The following MYO1E variants were observed in gnomAD, a reference collection of about 807,000 sequenced individuals.
The protein encoded by MYO1E is myosin IE, also known as unconventional myosin-Ie.
In MYO1E, 68 loss-of-function variants were observed where a neutral mutation model predicts 151.1. That is an observed-to-expected ratio of 0.45 (90% CI 0.37 to 0.55). The LOEUF (loss-of-function observed/expected upper bound fraction) is 0.55. Among genes scored for constraint, MYO1E ranks in the 20% least tolerant of loss-of-function variants. The probability of loss-of-function intolerance (pLI) is 0.00; values close to 1 mark genes in which losing one functional copy is unlikely to be tolerated. For missense variants in MYO1E, 1,363 were observed against 1,389.3 expected, an observed-to-expected ratio of 0.98 and a Z score of 0.30; for synonymous variants, 601 against 501.7, an observed-to-expected ratio of 1.20 and a Z score of -2.64.
intron 26 of MYO1E, among the ~76,000 whole-genome samples, chr15:59,144,901 T>G (rs2079432410): frequency 6.6e-6 from 1 of 152,158 alleles, no homozygotes; most frequent in South Asian, 2.1e-4. Context: ...TGGAGTGCAA[T>G]GGTACGATCT....
At chr15:59,214,522 T>G in intron 11 of MYO1E, 118 bp downstream of exon 11, 1 of 1,111,798 alleles carries the variant, frequency 9.0e-7, no homozygotes. Flanking sequence ...GAGTTGTTTT[T>G]TTTGTTGTTG....
intron 1 of MYO1E, among the ~76,000 whole-genome samples, chr15:59,337,693 G>A (rs945567822): frequency 5.3e-5 from 8 of 152,132 alleles, no homozygotes; most frequent in Non-Finnish European, 1.0e-4. Context: ...TTAGCCGGGC[G>A]TGGTGGTTTG....
chr15:59,334,311 A>C (rs1244901025), intron 1 of MYO1E, among the ~76,000 whole-genome samples: 1 of 152,182 alleles, frequency 6.6e-6, no homozygotes, highest in South Asian at 2.1e-4. Context: ...AAAAATAACT[A>C]AAAGTATAAT....
intron 1 of MYO1E, among the ~76,000 whole-genome samples, chr15:59,365,273 C>G (rs1427331061): frequency 1.3e-5 from 2 of 152,136 alleles, no homozygotes; most frequent in African/African-American, 2.4e-5. Context: ...TCCACCTCAG[C>G]CTTCCAAAGT....
intron 1 of MYO1E, among the ~76,000 whole-genome samples, chr15:59,343,839 G>C (rs746430286): frequency 6.6e-6 from 1 of 152,042 alleles, no homozygotes; most frequent in Non-Finnish European, 1.5e-5. Context: ...TCAGCAGCTC[G>C]AGAATTTCTG....
chr15:59,305,078 T>C (rs1032234459), intron 1 of MYO1E, among the ~76,000 whole-genome samples: 1 of 152,236 alleles, frequency 6.6e-6, no homozygotes, highest in Non-Finnish European at 1.5e-5. Flanking sequence ...GTGTATAGCG[T>C]CCACTGTCAC....
At chr15:59,150,632 G>A (rs1177536253) in intron 26 of MYO1E, among the ~76,000 whole-genome samples, 1 of 152,154 alleles carries the variant, frequency 6.6e-6, no homozygotes, top group Non-Finnish European at 1.5e-5. Context: ...CCACCTGAAA[G>A]GTGTAGGTCT....
chr15:59,200,346 T>C (rs1309632287), intron 16 of MYO1E, among the ~76,000 whole-genome samples: 1 of 152,166 alleles, frequency 6.6e-6, no homozygotes. Flanking sequence ...ACGCAGACAT[T>C]AATATCTGGG....
chr15:59,279,763 G>A (rs2080342351), intron 1 of MYO1E, among the ~76,000 whole-genome samples: 1 of 151,908 alleles, frequency 6.6e-6, no homozygotes, highest in South Asian at 2.1e-4. Context: ...GAAGGGGGAG[G>A]GAAAAAAAGG....
In MYO1E at chr15:59,136,672, G is replaced by T. The variant is rs529759925; in HGVS notation, c.*708C>A. On this transcript the variant is annotated 3_prime_UTR_variant, in exon 28 of 28. Transcript: ENST00000288235. ...AGCTTGAAAAAAGATCCTTCTTGTA[G>T]TAAGTACAGCATTTAAACACAAACC... 1 of 456,388 alleles carries T rather than the reference G, an allele frequency of 2.2e-6. No homozygotes were observed. The highest frequency in any genetic ancestry group is 4.4e-6 in the Non-Finnish European group (1 of 226,764). 28.3% of individuals were successfully genotyped at this position (456,388 alleles called of 1,614,324 possible).
intron 5 of MYO1E, among the ~76,000 whole-genome samples, chr15:59,234,830 A>AAG (rs2080052595): frequency 6.6e-6 from 1 of 151,782 alleles, no homozygotes; most frequent in Non-Finnish European, 1.5e-5. Flanking sequence ...CTCAAAAAAA[A>AAG]AAAAAAAAAA....
At position 59,350,367 on chromosome 15, in the gene MYO1E, G is replaced by A. The variant is rs563326381; in HGVS notation, c.3+22131C>T. Among the ~76,000 whole-genome samples, 280 of 152,308 alleles carry A rather than the reference G, an allele frequency of 1.8e-3. 1 individual carries two copies. The highest frequency in any genetic ancestry group is 6.0e-3 in the African/African-American group (249 of 41,564). On this transcript the variant is annotated intron_variant, in intron 1 of 27. Coordinates refer to ENST00000288235, the MANE Select transcript of MYO1E (RefSeq NM_004998.4). This position sits in a 1 kb window ranked among gnomAD's most constrained non-coding sequence, Gnocchi z 5.0. ...CCTTCTATTCACCATGACTGTAGTCGTAGACACTCAGAAATGGGAGTTCCA... is the reference window on the plus strand; with the variant it reads ...CCTTCTATTCACCATGACTGTAGTCATAGACACTCAGAAATGGGAGTTCCA...
chr15:59,291,264 C>G (rs189696458), intron 1 of MYO1E, among the ~76,000 whole-genome samples: 1 of 152,186 alleles, frequency 6.6e-6, no homozygotes. Flanking sequence ...ATATTCTTTG[C>G]TGGTCTGTGA....
intron 14 of MYO1E, chr15:59,207,750 T>C (rs1215926304): frequency 6.2e-7 from 1 of 1,614,146 alleles, no homozygotes; most frequent in Non-Finnish European, 8.5e-7. Flanking sequence ...TAGGAACTGA[T>C]AAAGATCCTG....
At chr15:59,236,367 TATACACACACAC>T (rs1293676725) in intron 5 of MYO1E, among the ~76,000 whole-genome samples, 108 of 23,606 alleles carry the variant, frequency 4.6e-3, no homozygotes, top group Admixed American at 8.0e-3. Flanking sequence ...AAAAAAAATA[TATACACACACAC>T]ACACACACAC....
In MYO1E at chr15:59,207,465, G is replaced by A. The variant is rs375270916; in HGVS notation, c.1530+1216C>T. 3.5e-5 allele frequency: 56 copies of A among 1,614,016 alleles called. No individual in the cohort carries two copies. The African/African-American group carries it at 6.4e-4, about 18-fold the overall frequency. On this transcript the variant is annotated intron_variant, in intron 14 of 27. Transcript: ENST00000288235. ...AGTTAATGATTTCCAGTATTGTCCAGTACAGCCCCCACTGCAAACTGATTA... is the reference window on the plus strand; with the variant it reads ...AGTTAATGATTTCCAGTATTGTCCAATACAGCCCCCACTGCAAACTGATTA...
In MYO1E at chr15:59,214,965, A is replaced by G. The variant is rs112872319; in HGVS notation, c.1108-245T>C. 7.4e-3 allele frequency among the ~76,000 whole-genome samples: 1,132 copies of G among 152,336 alleles called. 11 individuals carry two copies. Among genetic ancestry groups the G allele is most frequent in the African/African-American group, 0.022 (896 of 41,580 alleles). Reference sequence around the variant, plus strand: ...AACAAAAAATGTTTGTTTAATGATGATAACCATTAATTTCTGTCCAAGTAA... The same window carrying G: ...AACAAAAAATGTTTGTTTAATGATGGTAACCATTAATTTCTGTCCAAGTAA... On this transcript the variant is annotated intron_variant, in intron 10 of 27. Coordinates refer to ENST00000288235, the MANE Select transcript of MYO1E (RefSeq NM_004998.4).
At chr15:59,183,485 C>CCACT (rs1201344331) in intron 18 of MYO1E, among the ~76,000 whole-genome samples, 1 of 152,062 alleles carries the variant, frequency 6.6e-6, no homozygotes, top group African/African-American at 2.4e-5. Context: ...CAGGCATGAG[C>CCACT]CACTGCACCT....
chr15:59,197,278 C>A (rs1259907225), intron 16 of MYO1E, among the ~76,000 whole-genome samples: 1 of 152,130 alleles, frequency 6.6e-6, no homozygotes, highest in Admixed American at 6.5e-5. Flanking sequence ...CAGGCGTGAG[C>A]CACTGTGCCC....
Sources: allele counts gnomAD v4.1 joint callset (sites outside exome capture counted in the v4.1 genomes callset), GRCh38; gene constraint gnomAD v4.1.1; non-coding constraint Gnocchi (gnomAD v3.1); transcripts MANE v1.5; gene names NCBI Gene and HGNC (gene_info 2026-07-23, HGNC 2026-07-21).